Variants in LRFN5 observed in about 807,000 individuals in gnomAD.
The protein encoded by LRFN5 is leucine-rich repeat and fibronectin type-III domain-containing protein 5.
Under a neutral mutation model 45.6 loss-of-function variants are expected in LRFN5, and 24 were observed. The ratio of observed to expected loss-of-function variants is 0.53; its 90% CI spans 0.38 to 0.74. LRFN5 has a LOEUF of 0.74. LRFN5 is among the 30% of genes least tolerant of loss of function. LRFN5 has a pLI of 0.00. For synonymous variants in LRFN5, 340 were observed against 313.8 expected (o/e 1.08, Z -0.88); for missense variants, 776 against 861.5 (o/e 0.90, Z 1.24).
chr14:41,756,232 C>A (rs953110647), intron 1 of LRFN5, among the ~76,000 whole-genome samples: 35 of 152,108 alleles, frequency 2.3e-4, no homozygotes, highest in Non-Finnish European at 4.4e-4. Context: ...GTGAATCTGA[C>A]AATTATGTGT....
chr14:41,809,244 T>C (rs1404738307), intron 2 of LRFN5, among the ~76,000 whole-genome samples: 1 of 152,038 alleles, frequency 6.6e-6, no homozygotes, highest in African/African-American at 2.4e-5. Flanking sequence ...GAAGTGAATA[T>C]AAAATGGAAT....
intron 1 of LRFN5, among the ~76,000 whole-genome samples, chr14:41,742,290 AAT>A (rs1884730894): frequency 6.8e-6 from 1 of 146,066 alleles, no homozygotes; most frequent in Non-Finnish European, 1.5e-5. Context: ...TTAAAAGATT[AAT>A]GAAGAAAATG....
intron 1 of LRFN5, among the ~76,000 whole-genome samples, chr14:41,674,350 C>T (rs375305955): frequency 7.4e-6 from 1 of 135,310 alleles, no homozygotes; most frequent in Non-Finnish European, 1.6e-5. Context: ...ACCTCCCTCC[C>T]AGATGGGGCG....
At chr14:41,635,867 G>T (rs1190669461) in intron 1 of LRFN5, among the ~76,000 whole-genome samples, 2 of 152,014 alleles carry the variant, frequency 1.3e-5, no homozygotes, top group Non-Finnish European at 2.9e-5. Flanking sequence ...TCCAGAATCT[G>T]TCCATACTAG....
At chr14:41,834,817 C>T (rs1414700984) in intron 2 of LRFN5, among the ~76,000 whole-genome samples, 1 of 151,830 alleles carries the variant, frequency 6.6e-6, no homozygotes, top group Non-Finnish European at 1.5e-5. Flanking sequence ...CATGCACCAC[C>T]ATACCTGGCT....
chr14:41,759,410 T>G (rs1885551476), intron 1 of LRFN5, among the ~76,000 whole-genome samples: 1 of 151,782 alleles, frequency 6.6e-6, no homozygotes, highest in Non-Finnish European at 1.5e-5. Flanking sequence ...TGTTCCAGTA[T>G]TTTTACAGTG....
chr14:41,700,027 A>G (rs1044816924), intron 1 of LRFN5: 1 of 152,126 alleles, frequency 6.6e-6, no homozygotes, highest in Non-Finnish European at 1.5e-5. Context: ...TCAGTAAAAC[A>G]TTACAAAGCC....
At chr14:41,661,397 T>C (rs1223539789) in intron 1 of LRFN5, among the ~76,000 whole-genome samples, 1 of 152,024 alleles carries the variant, frequency 6.6e-6, no homozygotes, top group Non-Finnish European at 1.5e-5. Context: ...AAAAGAAGCA[T>C]ATAAATCTAT....
intron 2 of LRFN5, among the ~76,000 whole-genome samples, chr14:41,878,389 G>T (rs533346011): frequency 6.6e-6 from 1 of 152,176 alleles, no homozygotes; most frequent in South Asian, 2.1e-4. Flanking sequence ...TACCATATTG[G>T]TTTCTGCAGA....
intron 1 of LRFN5, among the ~76,000 whole-genome samples, chr14:41,747,234 C>A (rs1182698826): frequency 2.0e-5 from 3 of 152,022 alleles, no homozygotes; most frequent in East Asian, 1.9e-4. Flanking sequence ...ATAACCAACA[C>A]AATATATATT....
intron 2 of LRFN5, among the ~76,000 whole-genome samples, chr14:41,806,669 A>G (rs562405350): frequency 1.9e-3 from 283 of 152,290 alleles, no homozygotes; most frequent in African/African-American, 6.5e-3. Flanking sequence ...AAGTTTGGCT[A>G]TGGATTAGGA....
At chr14:41,831,205 A>T (rs957280996) in intron 2 of LRFN5, among the ~76,000 whole-genome samples, 2 of 152,180 alleles carry the variant, frequency 1.3e-5, no homozygotes, top group African/African-American at 4.8e-5. Flanking sequence ...GTGTTACATT[A>T]CCCGTCTTTT....
At chr14:41,743,626 C>T (rs1884799593) in intron 1 of LRFN5, among the ~76,000 whole-genome samples, 1 of 152,028 alleles carries the variant, frequency 6.6e-6, no homozygotes, top group Non-Finnish European at 1.5e-5. Context: ...GCATGGGTAA[C>T]TACAGTTAGT....
Position 41,891,665 on chromosome 14 carries a change from C to G in LRFN5, c.1801C>G (p.Gln601Glu). The G allele has an allele frequency of 2.5e-6, 4 of 1,614,174 alleles. No individual in the cohort carries two copies. The Admixed American group carries it at 6.7e-5, about 27-fold the overall frequency. The change falls in exon 4 of 6, where the codon CAG becomes GAG. Residue 601 changes from glutamine to glutamate, a missense_variant. Gln to Glu is a conservative substitution (Grantham distance 29, BLOSUM62 2). Coordinates refer to ENST00000298119, the MANE Select transcript of LRFN5 (RefSeq NM_152447.5). The part of the protein sequence containing the change: ...KQAVGHEENA[Q>E]CCKATSDNVI... Reference sequence around the variant, plus strand: ...AGCTGTGGGACACGAAGAGAATGCCCAGTGTTGTAAAGCTACCAGTGACAA... The same window carrying G: ...AGCTGTGGGACACGAAGAGAATGCCGAGTGTTGTAAAGCTACCAGTGACAA...
intron 2 of LRFN5, among the ~76,000 whole-genome samples, chr14:41,834,057 A>G (rs1950761480): frequency 1.3e-5 from 2 of 152,142 alleles, no homozygotes; most frequent in African/African-American, 4.8e-5. Context: ...GAACTAGAGA[A>G]CATTTTTATT....
At chr14:41,709,238 A>G (rs1451167873) in intron 1 of LRFN5, among the ~76,000 whole-genome samples, 1 of 151,966 alleles carries the variant, frequency 6.6e-6, no homozygotes, top group Non-Finnish European at 1.5e-5. Flanking sequence ...CCTATTGAAT[A>G]TCAATATGCT....
In LRFN5 at chr14:41,790,165, G is replaced by A. The variant is rs139119139; in HGVS notation, c.-21+23136G>A. The stretch of plus-strand genomic sequence containing the variant: ...TTCCATTACCATTTAAACTAGTTTC[G>A]AGAGACACTTTTTCTAGGAATTTGT... On this transcript the variant is annotated intron_variant, in intron 2 of 5. Coordinates refer to ENST00000298119, the MANE Select transcript of LRFN5 (RefSeq NM_152447.5). 3.5e-3 allele frequency among the ~76,000 whole-genome samples: 528 copies of A among 151,926 alleles called. 5 individuals carry two copies. The highest frequency in any genetic ancestry group is 0.012 in the African/African-American group (505 of 41,490).
chr14:41,633,977 T>C (rs1161292987), intron 1 of LRFN5, among the ~76,000 whole-genome samples: 1 of 152,078 alleles, frequency 6.6e-6, no homozygotes, highest in East Asian at 1.9e-4. Flanking sequence ...AAAAATCCAA[T>C]CTTCTGCAGC....
rs1399484570 is a variant in LRFN5 at position 41,608,260 on chromosome 14, C to CGTGTGTCTGTGTGTGCGT, written c.-497_-480dup. The CGTGTGTCTGTGTGTGCGT allele has an allele frequency of 6.5e-6, 1 of 153,136 alleles. No individual in the cohort carries two copies. The highest frequency in any genetic ancestry group is 1.5e-5 in the Non-Finnish European group (1 of 68,584). The allele number at this position is 153,136 out of a possible 1,614,324, so 9.5% of individuals were successfully genotyped here. ...GGGTGCGAGTGTGTGTGAGTGTGAG[C>CGTGTGTCTGTGTGTGCGT]GTGTGTCTGTGTGTGCGTGCGCGGC... On this transcript the variant is annotated 5_prime_UTR_variant, in exon 1 of 6. Coordinates refer to ENST00000298119, the MANE Select transcript of LRFN5 (RefSeq NM_152447.5).
Sources: gnomAD v4.1 joint callset for allele counts (sites outside exome capture counted in the v4.1 genomes callset) on GRCh38, gnomAD v4.1.1 for gene constraint, MANE v1.5 for transcripts, NCBI Gene and HGNC (gene_info 2026-07-23, HGNC 2026-07-21) for gene names.